Variants in SEMA6D observed in about 807,000 individuals in gnomAD.
The protein encoded by SEMA6D is semaphorin-6D.
Under a neutral mutation model 106.6 loss-of-function variants are expected in SEMA6D, and 35 were observed. The observed-to-expected ratio is 0.33, with a 90% confidence interval of 0.25 to 0.44. The LOEUF is 0.44. Ranked by LOEUF, SEMA6D falls within the 20% of genes least tolerant of loss-of-function variation. SEMA6D has a pLI of 1.00. For missense variants in SEMA6D, 1,185 were observed against 1,345.9 expected (o/e 0.88, Z 1.87); for synonymous variants, 499 against 487.7 (o/e 1.02, Z -0.31).
At chr15:47,706,917 G>T (rs142301900) in intron 4 of SEMA6D, among the ~76,000 whole-genome samples, 1 of 152,184 alleles carries the variant, frequency 6.6e-6, no homozygotes, top group Non-Finnish European at 1.5e-5. Flanking sequence ...AACTAATACC[G>T]TGATGCTCAC....
At chr15:47,227,576 C>CACAT (rs2031822911) in intron 1 of SEMA6D, among the ~76,000 whole-genome samples, 1 of 144,426 alleles carries the variant, frequency 6.9e-6, no homozygotes, top group Non-Finnish European at 1.5e-5. Context: ...CTCTCACACA[C>CACAT]ACACACACAC....
intron 1 of SEMA6D, among the ~76,000 whole-genome samples, chr15:47,333,964 T>C (rs1394902206): frequency 6.6e-6 from 1 of 152,218 alleles, no homozygotes; most frequent in Non-Finnish European, 1.5e-5. Context: ...TCCAGAGATA[T>C]TTCTGCTGCA....
chr15:47,661,876 A>T (rs181489931), intron 4 of SEMA6D, among the ~76,000 whole-genome samples: 1 of 152,198 alleles, frequency 6.6e-6, no homozygotes, highest in South Asian at 2.1e-4. Context: ...TATTGTCCCA[A>T]TTGGAGAATC....
intron 4 of SEMA6D, among the ~76,000 whole-genome samples, chr15:47,678,286 T>G (rs2078284294): frequency 6.6e-6 from 1 of 152,128 alleles, no homozygotes; most frequent in Non-Finnish European, 1.5e-5. Context: ...AGTCAGCAGC[T>G]GAGCTGTGGC....
Position 47,586,853 on chromosome 15 carries a change from A to G in SEMA6D, c.-86-14012A>G, listed in dbSNP as rs563537322. On this transcript the variant is annotated intron_variant, in intron 3 of 19. Coordinates refer to the SEMA6D transcript ENST00000558014. Reference sequence around the variant, plus strand: ...TATTTTTTGCTAGAACTGTATTTAAATGTAGGATAAGATTTTCAAAATGAA... The same window carrying G: ...TATTTTTTGCTAGAACTGTATTTAAGTGTAGGATAAGATTTTCAAAATGAA... 4.1e-5 allele frequency among the ~76,000 whole-genome samples: 6 copies of G among 147,618 alleles called. No homozygotes were observed. The South Asian group carries it at 1.3e-3, about 32-fold the overall frequency.
intron 2 of SEMA6D, among the ~76,000 whole-genome samples, chr15:47,464,096 A>G (rs958585038): frequency 3.3e-5 from 5 of 152,238 alleles, no homozygotes; most frequent in African/African-American, 1.2e-4. Flanking sequence ...ATATAAGGTA[A>G]TATTCACAGG....
intron 1 of SEMA6D, chr15:47,730,093 T>G (rs897599502): frequency 2.5e-6 from 2 of 793,776 alleles, no homozygotes; most frequent in African/African-American, 1.7e-5. Flanking sequence ...GAAGGAAAAT[T>G]TATATTATTT....
intron 3 of SEMA6D, among the ~76,000 whole-genome samples, chr15:47,499,987 C>T (rs993837367): frequency 6.6e-6 from 1 of 152,004 alleles, no homozygotes; most frequent in Non-Finnish European, 1.5e-5. Context: ...GCTCTTAATC[C>T]CTCAATGATA....
intron 3 of SEMA6D, among the ~76,000 whole-genome samples, chr15:47,580,556 C>T (rs1198145030): frequency 1.3e-5 from 2 of 151,930 alleles, no homozygotes; most frequent in Admixed American, 6.6e-5. Context: ...ACTACCACAT[C>T]GATAAAGATT....
At chr15:47,731,559 A>T (rs1488864770) in intron 1 of SEMA6D, among the ~76,000 whole-genome samples, 1 of 152,214 alleles carries the variant, frequency 6.6e-6, no homozygotes, top group Non-Finnish European at 1.5e-5. Context: ...TCTAATGCAG[A>T]TGTCACCTGA....
chr15:47,519,619 G>T (rs1381058244), intron 3 of SEMA6D, among the ~76,000 whole-genome samples: 1 of 152,136 alleles, frequency 6.6e-6, no homozygotes, highest in Non-Finnish European at 1.5e-5. Context: ...CAAAACTCAG[G>T]CGCACCTACT....
chr15:47,459,256 A>G (rs1816623226), intron 2 of SEMA6D, among the ~76,000 whole-genome samples: 1 of 152,040 alleles, frequency 6.6e-6, no homozygotes, highest in African/African-American at 2.4e-5. Context: ...GTGGCCTCTA[A>G]GACCTCAGAG....
At chr15:47,184,268 G>C (rs771134090) in exon 1 of SEMA6D, 1 of 152,922 alleles carries the variant, frequency 6.5e-6, no homozygotes, top group East Asian at 1.9e-4. Context: ...AGCAAGGAGC[G>C]CAGCGCGGAG....
At chr15:47,366,727 C>G (rs991789506) in intron 1 of SEMA6D, among the ~76,000 whole-genome samples, 2 of 152,152 alleles carry the variant, frequency 1.3e-5, no homozygotes, top group African/African-American at 4.8e-5. Context: ...ATAAAGAGCA[C>G]AGCTTATGGA....
chr15:47,282,456 C>T (rs529370302), intron 1 of SEMA6D, among the ~76,000 whole-genome samples: 1 of 152,208 alleles, frequency 6.6e-6, no homozygotes, highest in East Asian at 1.9e-4. Flanking sequence ...GTTATTTATT[C>T]TACTGTTGAT....
intron 4 of SEMA6D, among the ~76,000 whole-genome samples, chr15:47,688,502 A>G (rs554360813): frequency 7.9e-5 from 12 of 152,360 alleles, no homozygotes; most frequent in South Asian, 2.1e-4. Context: ...AGGCATTGTC[A>G]TGGGAGTATT....
chr15:47,355,510 G>T (rs554475474), intron 1 of SEMA6D, among the ~76,000 whole-genome samples: 1 of 152,298 alleles, frequency 6.6e-6, no homozygotes, highest in East Asian at 1.9e-4. Flanking sequence ...GTATGTGTGA[G>T]AAAGAGAAAG....
intron 1 of SEMA6D, among the ~76,000 whole-genome samples, chr15:47,298,946 A>G (rs2035911859): frequency 6.6e-6 from 1 of 152,180 alleles, no homozygotes; most frequent in African/African-American, 2.4e-5. Context: ...GGGCATCCCT[A>G]AAGGTATTCT....
At chr15:47,261,366 T>C (rs1210091171) in intron 1 of SEMA6D, among the ~76,000 whole-genome samples, 5 of 152,158 alleles carry the variant, frequency 3.3e-5, no homozygotes, top group African/African-American at 1.2e-4. Context: ...GGTTTGTGCT[T>C]CTGATTTCCT....
Sources: gnomAD v4.1 joint callset for allele counts (sites outside exome capture counted in the v4.1 genomes callset) on GRCh38, gnomAD v4.1.1 for gene constraint, MANE v1.5 for transcripts, NCBI Gene and HGNC (gene_info 2026-07-23, HGNC 2026-07-21) for gene names.